PDPR: variants seen among roughly 807,000 people sequenced by gnomAD.
The protein encoded by PDPR is pyruvate dehydrogenase phosphatase regulatory subunit.
PDPR carries 50 observed loss-of-function variants against 102.2 expected under a neutral mutation model. That is an observed-to-expected ratio of 0.49 (90% CI 0.39 to 0.62). PDPR has a LOEUF of 0.62. Ranked by LOEUF, PDPR falls within the 20% of genes least tolerant of loss-of-function variation. The probability of loss-of-function intolerance (pLI) is 0.00; values close to 1 mark genes in which losing one functional copy is unlikely to be tolerated. For missense variants in PDPR, 625 were observed against 1,098.2 expected (o/e 0.57, Z 6.09); for synonymous variants, 259 against 406.0 (o/e 0.64, Z 4.35).
Position 70,156,897 on chromosome 16 carries a change from CA to C in PDPR, c.*19del. ...GGAAGTGATGCCACCAGGGCAGCCT[CA>C]CCTCCTCCCCATCATCTTGTCCTAG... On this transcript the variant is annotated 3_prime_UTR_variant, in exon 19 of 19. Coordinates refer to ENST00000288050, the MANE Select transcript of PDPR (RefSeq NM_017990.5). 6.2e-7 allele frequency: 1 copy of C among 1,609,796 alleles called. No individual in the cohort carries two copies. Among genetic ancestry groups the C allele is most frequent in the Non-Finnish European group, 8.5e-7 (1 of 1,178,052 alleles).
rs1967686170 is a variant in PDPR at position 70,160,580 on chromosome 16, C to T, written c.*3701C>T. The T allele has an allele frequency of 6.6e-6, 1 of 152,626 alleles. No individual in the cohort carries two copies. Among genetic ancestry groups the T allele is most frequent in the Non-Finnish European group, 1.5e-5 (1 of 68,318 alleles). 9.5% of individuals were successfully genotyped at this position (152,626 alleles called of 1,614,324 possible). A position where few individuals can be genotyped will look rare whatever the true frequency, so the allele number is the denominator to read the frequency against. On this transcript the variant is annotated 3_prime_UTR_variant, in exon 19 of 19. Transcript: ENST00000288050. ...TGGCCCCAGGAGTGGAGCCTGGCCA[C>T]TCCTGTTTGGTTCTCACTGGGAGGC...
chr16:70,119,362 A>G (rs1962988972), intron 2 of PDPR, among the ~76,000 whole-genome samples: 1 of 151,920 alleles, frequency 6.6e-6, no homozygotes, highest in African/African-American at 2.4e-5. Flanking sequence ...AAACAAAGAA[A>G]AGAAAAACAT....
intron 9 of PDPR, among the ~76,000 whole-genome samples, chr16:70,133,428 T>TTTTTTTTTTTG (rs1964757117): frequency 7.5e-6 from 1 of 133,464 alleles, no homozygotes; most frequent in African/African-American, 3.0e-5. Flanking sequence ...GGCCTTTTTT[T>TTTTTTTTTTTG]TTTTTTGAGA....
chr16:70,125,552 C>CAAA (rs1164711741), intron 3 of PDPR, among the ~76,000 whole-genome samples: 11 of 106,734 alleles, frequency 1.0e-4, no homozygotes, highest in East Asian at 3.3e-4. Flanking sequence ...AACTGCGTCT[C>CAAA]AAAAAAAAAA....
At position 70,148,572 on chromosome 16, in the gene PDPR, C is replaced by T. The variant is rs1238788469; in HGVS notation, c.2052+19C>T. The T allele has an allele frequency of 1.3e-6, 2 of 1,579,606 alleles. No homozygotes were observed. The highest frequency in any genetic ancestry group is 8.7e-7 in the Non-Finnish European group (1 of 1,152,988). On this transcript the variant is annotated intron_variant, in intron 17 of 18. Transcript: ENST00000288050. ...CATAGAGGTGAGAGGGCACCCTTCC[C>T]TTCCCTTCCCTTCACTTCCCTTCCC...
chr16:70,148,586 ACTTCC>A (rs145754705), intron 17 of PDPR, 33 bp downstream of exon 17: 39,873 of 1,442,482 alleles, frequency 0.028, 392 homozygotes, highest in South Asian at 0.046. Flanking sequence ...CCTTCCCTTC[ACTTCC>A]CTTCCCTTCC....
chr16:70,147,885 C>A (rs2152112873), intron 16 of PDPR, among the ~76,000 whole-genome samples: 1 of 152,338 alleles, frequency 6.6e-6, no homozygotes, highest in Non-Finnish European at 1.5e-5. Flanking sequence ...CTGTCAGCCT[C>A]CTGTGGAAGC....
Position 70,153,531 on chromosome 16 carries a change from G to A in PDPR, c.2193G>A (p.Thr731=), listed in dbSNP as rs767134491. 5.6e-6 allele frequency: 9 copies of A among 1,611,182 alleles called. No homozygotes were observed. Among genetic ancestry groups the A allele is most frequent in the African/African-American group, 2.7e-5 (2 of 74,916 alleles). Residue 731 remains threonine (T), a synonymous_variant, in exon 18 of 19, where the codon ACG becomes ACA. Coordinates refer to ENST00000288050, the MANE Select transcript of PDPR (RefSeq NM_017990.5). The part of the protein sequence containing the change: ...FWGQDINNLT[T]PLECGRESRV... ...GTCAGGATATAAATAACCTCACCAC[G>A]CCCCTGGAATGTGGACGAGAGTCTC...
chr16:70,123,867 A>G (rs1170813108), intron 3 of PDPR, among the ~76,000 whole-genome samples: 2 of 152,234 alleles, frequency 1.3e-5, no homozygotes, highest in African/African-American at 4.8e-5. Flanking sequence ...AGCTTGGCCA[A>G]CATGGTGAAA....
chr16:70,120,739 T>G lies in PDPR; in HGVS notation c.227+20T>G, dbSNP rs1440612189. ...GGGCAGGTAAGGATCAGACTGCATTTGGCTCATGGCTGTGCTGCACTAATC... is the reference window on the plus strand; with the variant it reads ...GGGCAGGTAAGGATCAGACTGCATTGGGCTCATGGCTGTGCTGCACTAATC... On this transcript the variant is annotated intron_variant, in intron 3 of 18. Coordinates refer to ENST00000288050, the MANE Select transcript of PDPR (RefSeq NM_017990.5). The G allele has an allele frequency of 8.0e-6, 12 of 1,498,826 alleles. No individual in the cohort carries two copies. Among genetic ancestry groups the G allele is most frequent in the Non-Finnish European group, 1.1e-5 (12 of 1,075,156 alleles). 92.8% of individuals were successfully genotyped at this position (1,498,826 alleles called of 1,614,324 possible). A position where few individuals can be genotyped will look rare whatever the true frequency, so the allele number is the denominator to read the frequency against.
intron 6 of PDPR, among the ~76,000 whole-genome samples, chr16:70,129,386 C>A (rs556961109): frequency 6.6e-6 from 1 of 152,382 alleles, no homozygotes; most frequent in South Asian, 2.1e-4. Context: ...CTCTTTTCGC[C>A]CAGGCTGGAG....
At chr16:70,132,678 T>C (rs1964662213) in intron 9 of PDPR, among the ~76,000 whole-genome samples, 1 of 151,880 alleles carries the variant, frequency 6.6e-6, no homozygotes, top group African/African-American at 2.4e-5. Flanking sequence ...GGTAGAGACA[T>C]GGTCTCGCCA....
intron 2 of PDPR, among the ~76,000 whole-genome samples, chr16:70,119,330 C>T (rs1293098089): frequency 6.6e-6 from 1 of 151,996 alleles, no homozygotes; most frequent in Non-Finnish European, 1.5e-5. Context: ...GAAAACATCC[C>T]CCAACCCCCC....
chr16:70,159,645 G>A lies in PDPR; in HGVS notation c.*2766G>A, dbSNP rs894850955. ...CCCCTGCTTCTGGCATAACTGCTTT[G>A]CCTCTGTCTAGTGTCCAAGCATCTT... On this transcript the variant is annotated 3_prime_UTR_variant, in exon 19 of 19. Coordinates refer to ENST00000288050, the MANE Select transcript of PDPR (RefSeq NM_017990.5). The A allele has an allele frequency of 6.5e-6, 1 of 152,886 alleles. No homozygotes were observed. Among genetic ancestry groups the A allele is most frequent in the East Asian group, 1.9e-4 (1 of 5,210 alleles). The allele number at this position is 152,886 out of a possible 1,614,324, so 9.5% of individuals were successfully genotyped here.
intron 18 of PDPR, among the ~76,000 whole-genome samples, chr16:70,154,351 A>G (rs1324050643): frequency 7.2e-5 from 11 of 152,158 alleles, no homozygotes; most frequent in African/African-American, 2.4e-4. Context: ...CATAGTAAAT[A>G]GATGACACTT....
At position 70,132,313 on chromosome 16, in the gene PDPR, C is replaced by T; in HGVS notation, c.997+13C>T. 6.2e-7 allele frequency: 1 copy of T among 1,608,194 alleles called. No individual in the cohort carries two copies. The highest frequency in any genetic ancestry group is 2.2e-5 in the East Asian group (1 of 44,796). Reference sequence around the variant, plus strand: ...TGGGATCACTTTGGTATGTGAACTGCATTATAACCGTAGTGCCTTATATTT... The same window carrying T: ...TGGGATCACTTTGGTATGTGAACTGTATTATAACCGTAGTGCCTTATATTT... On this transcript the variant is annotated intron_variant, in intron 9 of 18. Coordinates refer to ENST00000288050, the MANE Select transcript of PDPR (RefSeq NM_017990.5).
chr16:70,113,641 G>A (rs1457011475), upstream of PDPR: 1 of 135,148 alleles, frequency 7.4e-6, no homozygotes, highest in Admixed American at 7.6e-5. Flanking sequence ...ATGAGTTCTA[G>A]AAGGAAAGAA....
intron 2 of PDPR, among the ~76,000 whole-genome samples, chr16:70,119,275 T>C (rs1359778538): frequency 2.0e-5 from 3 of 152,096 alleles, no homozygotes; most frequent in South Asian, 2.1e-4. Context: ...GTTTTTCTTA[T>C]AATTCTACCA....
intron 18 of PDPR, among the ~76,000 whole-genome samples, chr16:70,155,229 T>C (rs1311922040): frequency 3.3e-5 from 5 of 152,154 alleles, no homozygotes; most frequent in Non-Finnish European, 7.3e-5. Context: ...TTGGAAAATA[T>C]AAAGAAGGAA....
Sources: allele counts gnomAD v4.1 joint callset (sites outside exome capture counted in the v4.1 genomes callset), GRCh38; gene constraint gnomAD v4.1.1; transcripts MANE v1.5; gene names NCBI Gene and HGNC (gene_info 2026-07-23, HGNC 2026-07-21).